Variants in SPATA16 observed in about 807,000 individuals in gnomAD.
SPATA16 encodes the protein spermatogenesis associated 16.
In SPATA16, 36 loss-of-function variants were observed where a neutral mutation model predicts 63.3. The observed-to-expected ratio is 0.57, with a 90% CI of 0.44 to 0.75. The LOEUF is 0.75. SPATA16 is among the 30% of genes least tolerant of loss of function. The pLI is 0.00. For synonymous variants in SPATA16, 203 were observed against 216.7 expected (o/e 0.94, Z 0.56); for missense variants, 646 against 679.3 (o/e 0.95, Z 0.54).
chr3:173,014,843 T>C (rs1346654799), intron 4 of SPATA16, among the ~76,000 whole-genome samples: 1 of 152,192 alleles, frequency 6.6e-6, no homozygotes, highest in Admixed American at 6.5e-5. Context: ...CCACTTTCAC[T>C]ATCACAGGTA....
At chr3:172,918,929 A>T (rs1352194934) in intron 8 of SPATA16, among the ~76,000 whole-genome samples, 2 of 152,216 alleles carry the variant, frequency 1.3e-5, no homozygotes, top group African/African-American at 2.4e-5. Flanking sequence ...TACTGCTGAA[A>T]AGCGGAGTCC....
rs1395152893 is a variant in SPATA16, at chr3:173,063,646, A to G, written c.613-14552T>C. 2.6e-5 allele frequency among the ~76,000 whole-genome samples: 4 copies of G among 152,324 alleles called. No individual in the cohort carries two copies. The East Asian group carries it at 7.7e-4, about 29-fold the overall frequency. On this transcript the variant is annotated intron_variant, in intron 2 of 10. Coordinates refer to ENST00000351008, the MANE Select transcript of SPATA16 (RefSeq NM_031955.6). ...GACATTGGATAATAACTGAGCTTTT[A>G]TGAGGCCTTTTGCCTTAATATATAA...
chr3:172,913,547 CA>C (rs989004348), intron 10 of SPATA16, 113 bp downstream of exon 10: 4 of 1,036,124 alleles, frequency 3.9e-6, no homozygotes, highest in African/African-American at 3.2e-5. Flanking sequence ...AAAAGGAAAA[CA>C]AAAAAACAAA....
At chr3:172,944,237 A>G (rs1733229352) in intron 6 of SPATA16, among the ~76,000 whole-genome samples, 1 of 152,248 alleles carries the variant, frequency 6.6e-6, no homozygotes, top group Admixed American at 6.5e-5. Context: ...AGACATAAAA[A>G]TGGCCAATAA....
chr3:173,052,676 A>G (rs1736130939), intron 2 of SPATA16, among the ~76,000 whole-genome samples: 1 of 152,250 alleles, frequency 6.6e-6, no homozygotes, highest in African/African-American at 2.4e-5. Flanking sequence ...TAACATTTCC[A>G]TATAGACATT....
chr3:173,068,971 G>C (rs374168825), intron 2 of SPATA16, among the ~76,000 whole-genome samples: 1 of 151,442 alleles, frequency 6.6e-6, no homozygotes, highest in African/African-American at 2.4e-5. Context: ...TTAGCCGGGC[G>C]TGGTGGCAGG....
chr3:173,016,645 A>G (rs533012368), intron 4 of SPATA16, among the ~76,000 whole-genome samples: 1 of 152,306 alleles, frequency 6.6e-6, no homozygotes, highest in South Asian at 2.1e-4. Context: ...TGTCTTTACC[A>G]ATGAATTTTG....
intron 6 of SPATA16, among the ~76,000 whole-genome samples, chr3:172,927,591 T>C (rs1037064831): frequency 1.3e-5 from 2 of 152,106 alleles, no homozygotes; most frequent in South Asian, 4.2e-4. Context: ...CAGGGCATAT[T>C]ATCAGGCCCA....
chr3:173,020,035 C>A (rs791823), intron 3 of SPATA16, among the ~76,000 whole-genome samples: 23,058 of 150,882 alleles, frequency 0.15, 1,936 homozygotes, highest in African/African-American at 0.2. Context: ...GTGGCTCATG[C>A]CTGTAATCCC....
chr3:173,136,948 A>T (rs1738562130), intron 1 of SPATA16, among the ~76,000 whole-genome samples: 1 of 152,212 alleles, frequency 6.6e-6, no homozygotes, highest in South Asian at 2.1e-4. Context: ...AAAAATGGTG[A>T]CCACTTGAGA....
At chr3:173,016,578 C>T (rs1185659284) in intron 4 of SPATA16, among the ~76,000 whole-genome samples, 1 of 152,116 alleles carries the variant, frequency 6.6e-6, no homozygotes, top group African/African-American at 2.4e-5. Context: ...TGGTAGGTGC[C>T]TCTCAATCCA....
chr3:172,973,356 TA>T (rs910472491), intron 5 of SPATA16, among the ~76,000 whole-genome samples: 6 of 152,040 alleles, frequency 3.9e-5, no homozygotes, highest in Admixed American at 1.3e-4. Flanking sequence ...AACATAAAAA[TA>T]AAAAAAGAAC....
intron 1 of SPATA16, among the ~76,000 whole-genome samples, chr3:173,136,350 A>G (rs1738545775): frequency 6.6e-6 from 1 of 152,028 alleles, no homozygotes; most frequent in African/African-American, 2.4e-5. Flanking sequence ...TTTTAAAAAT[A>G]ATTTTTTATT....
chr3:172,992,276 A>G (rs1186805677), intron 4 of SPATA16, among the ~76,000 whole-genome samples: 1 of 152,144 alleles, frequency 6.6e-6, no homozygotes. Context: ...TAATGGTAGC[A>G]TATTTATAAA....
At chr3:173,121,533 G>T (rs1474521791) in intron 1 of SPATA16, among the ~76,000 whole-genome samples, 1 of 152,094 alleles carries the variant, frequency 6.6e-6, no homozygotes, top group African/African-American at 2.4e-5. Flanking sequence ...AATACTGATG[G>T]CATTTATAGC....
At chr3:173,131,526 C>A (rs1738385182) in intron 1 of SPATA16, among the ~76,000 whole-genome samples, 1 of 152,092 alleles carries the variant, frequency 6.6e-6, no homozygotes, top group African/African-American at 2.4e-5. Context: ...AACCTGTAAG[C>A]TTTGGGTAAA....
At chr3:173,125,579 C>T (rs1172043191) in intron 1 of SPATA16, among the ~76,000 whole-genome samples, 2 of 152,200 alleles carry the variant, frequency 1.3e-5, no homozygotes, top group African/African-American at 4.8e-5. Flanking sequence ...AACCTTTGCA[C>T]TGGTTGGGCT....
At chr3:172,983,763 A>T (rs559076848) in intron 4 of SPATA16, among the ~76,000 whole-genome samples, 5 of 152,202 alleles carry the variant, frequency 3.3e-5, no homozygotes, top group African/African-American at 1.2e-4. Context: ...ACACACTCAC[A>T]CACACACACA....
chr3:172,980,741 T>C (rs1472545901), intron 4 of SPATA16, among the ~76,000 whole-genome samples: 1 of 152,218 alleles, frequency 6.6e-6, no homozygotes, highest in African/African-American at 2.4e-5. Context: ...TCTGCCAGCA[T>C]ACACAAATGC....
Sources: gnomAD v4.1 joint callset for allele counts (sites outside exome capture counted in the v4.1 genomes callset) on GRCh38, gnomAD v4.1.1 for gene constraint, MANE v1.5 for transcripts, NCBI Gene and HGNC (gene_info 2026-07-23, HGNC 2026-07-21) for gene names.